ZNF804A: variants seen among roughly 807,000 people sequenced by gnomAD.
The protein encoded by ZNF804A is zinc finger protein 804A.
ZNF804A carries 2 observed loss-of-function variants against 16.5 expected under a neutral mutation model. That is an observed-to-expected ratio of 0.12 (90% confidence interval 0.05 to 0.38). The LOEUF is 0.38. Among genes scored for constraint, ZNF804A ranks in the 10% least tolerant of loss-of-function variants. The pLI is 0.99. For synonymous variants in ZNF804A, 534 were observed against 489.6 expected, an observed-to-expected ratio of 1.09 and a Z score of -1.20; for missense variants, 1,473 against 1,390.7, an observed-to-expected ratio of 1.06 and a Z score of -0.94.
intron 1 of ZNF804A, among the ~76,000 whole-genome samples, chr2:184,827,232 T>C (rs1385118668): frequency 6.6e-6 from 1 of 151,402 alleles, no homozygotes; most frequent in Non-Finnish European, 1.5e-5. Context: ...ATGAGATATA[T>C]ATGACTATAA....
chr2:184,829,317 T>C (rs1034711214), intron 1 of ZNF804A, among the ~76,000 whole-genome samples: 38 of 152,070 alleles, frequency 2.5e-4, no homozygotes, highest in Middle Eastern at 6.8e-3. Context: ...ATAAATAATT[T>C]TTAAAGACTT....
At chr2:184,760,877 TTCTC>T (rs1694028794) in intron 1 of ZNF804A, among the ~76,000 whole-genome samples, 1 of 152,154 alleles carries the variant, frequency 6.6e-6, no homozygotes, top group Non-Finnish European at 1.5e-5. Context: ...GTATGAGACT[TTCTC>T]TCCATTTTCC....
chr2:184,623,095 A>G (rs1691443349), intron 1 of ZNF804A, among the ~76,000 whole-genome samples: 1 of 152,132 alleles, frequency 6.6e-6, no homozygotes, highest in East Asian at 1.9e-4. Flanking sequence ...TTGTAGTCAT[A>G]GAAGAGGTAA....
intron 1 of ZNF804A, among the ~76,000 whole-genome samples, chr2:184,710,176 T>G (rs1156283518): frequency 6.6e-6 from 1 of 151,130 alleles, no homozygotes; most frequent in African/African-American, 2.4e-5. Context: ...CACAGTAAAC[T>G]GTACATATGT....
chr2:184,721,785 A>G (rs537002199), intron 1 of ZNF804A, among the ~76,000 whole-genome samples: 2 of 152,148 alleles, frequency 1.3e-5, no homozygotes, highest in Non-Finnish European at 2.9e-5. Flanking sequence ...ACATGCCTTT[A>G]TTCCCATGTC....
At chr2:184,623,468 T>G (rs1308036591) in intron 1 of ZNF804A, among the ~76,000 whole-genome samples, 1 of 152,134 alleles carries the variant, frequency 6.6e-6, no homozygotes, top group African/African-American at 2.4e-5. Context: ...CTGTACTAAA[T>G]GTATGTAAAT....
chr2:184,660,013 A>C (rs1382419669), intron 1 of ZNF804A, among the ~76,000 whole-genome samples: 1 of 152,190 alleles, frequency 6.6e-6, no homozygotes, highest in African/African-American at 2.4e-5. Flanking sequence ...CCGAAGGCTG[A>C]AGCAGAAGGC....
intron 1 of ZNF804A, among the ~76,000 whole-genome samples, chr2:184,619,618 A>G (rs1018170686): frequency 3.2e-4 from 48 of 152,020 alleles, no homozygotes; most frequent in Non-Finnish European, 7.1e-4. Flanking sequence ...ATAATAAAAA[A>G]CATGATTTTA....
intron 2 of ZNF804A, among the ~76,000 whole-genome samples, chr2:184,883,903 G>A (rs1394726604): frequency 6.6e-6 from 1 of 152,050 alleles, no homozygotes; most frequent in Non-Finnish European, 1.5e-5. Flanking sequence ...AGACAAGGAT[G>A]CACTCACTCA....
At chr2:184,633,367 A>T (rs1190744949) in intron 1 of ZNF804A, among the ~76,000 whole-genome samples, 1 of 152,094 alleles carries the variant, frequency 6.6e-6, no homozygotes. Context: ...GATTTTTTTA[A>T]ATAAAAAGTA....
chr2:184,768,720 G>A (rs1305879945), intron 1 of ZNF804A, among the ~76,000 whole-genome samples: 1 of 151,958 alleles, frequency 6.6e-6, no homozygotes, highest in Non-Finnish European at 1.5e-5. Flanking sequence ...GTGGAAATAA[G>A]ATCATGTCTT....
At chr2:184,872,777 A>G (rs1055224154) in intron 2 of ZNF804A, among the ~76,000 whole-genome samples, 2 of 152,158 alleles carry the variant, frequency 1.3e-5, no homozygotes, top group Non-Finnish European at 2.9e-5. Flanking sequence ...ATTTTTATAT[A>G]AGAATGAATA....
intron 1 of ZNF804A, among the ~76,000 whole-genome samples, chr2:184,641,412 T>C (rs1304409613): frequency 1.3e-5 from 2 of 152,134 alleles, no homozygotes; most frequent in Admixed American, 1.3e-4. Context: ...GGGCCAAGGA[T>C]GAAATTGACT....
At chr2:184,762,201 CTTTTCTTTTCT>C (rs1246557026) in intron 1 of ZNF804A, among the ~76,000 whole-genome samples, 3 of 55,866 alleles carry the variant, frequency 5.4e-5, no homozygotes, top group East Asian at 5.6e-4. Flanking sequence ...TCTTTCTTTT[CTTTTCTTTTCT>C]TTTTTTTTTT....
intron 1 of ZNF804A, among the ~76,000 whole-genome samples, chr2:184,852,419 G>C (rs1695620606): frequency 6.7e-6 from 1 of 149,098 alleles, no homozygotes; most frequent in African/African-American, 2.5e-5. Flanking sequence ...TTGTTTCCTT[G>C]ACTGTGCAGA....
chr2:184,906,497 C>T (rs531141010), intron 2 of ZNF804A, among the ~76,000 whole-genome samples: 2 of 152,122 alleles, frequency 1.3e-5, no homozygotes, highest in East Asian at 1.9e-4. Flanking sequence ...GATGGGGTTT[C>T]GCCATATTGC....
intron 1 of ZNF804A, among the ~76,000 whole-genome samples, chr2:184,772,227 C>T (rs1282210228): frequency 6.7e-6 from 1 of 149,276 alleles, no homozygotes; most frequent in Admixed American, 6.7e-5. Context: ...GTGCAACTGT[C>T]ATTGCAATTT....
At chr2:184,698,911 G>A (rs1468446207) in intron 1 of ZNF804A, among the ~76,000 whole-genome samples, 2 of 151,960 alleles carry the variant, frequency 1.3e-5, no homozygotes, top group African/African-American at 4.8e-5. Context: ...ATTTTGAATG[G>A]ATTAGAATTG....
In ZNF804A at chr2:184,647,627, G is replaced by A. The variant is rs944773400; in HGVS notation, c.111+48557G>A. ...AAAGATTTATCAACAGATTGGATCA[G>A]GCAGAAGATAGAATGTCAAAGCATG... On this transcript the variant is annotated intron_variant, in intron 1 of 3. Coordinates refer to ENST00000302277, the MANE Select transcript of ZNF804A (RefSeq NM_194250.2). Among the ~76,000 whole-genome samples, 14 of 152,086 alleles carry A rather than the reference G, an allele frequency of 9.2e-5. No homozygotes were observed. In the South Asian group the frequency reaches 2.1e-3, roughly 23 times the overall value.
Sources: allele counts gnomAD v4.1 joint callset (sites outside exome capture counted in the v4.1 genomes callset), GRCh38; gene constraint gnomAD v4.1.1; transcripts MANE v1.5; gene names NCBI Gene and HGNC (gene_info 2026-07-23, HGNC 2026-07-21).